The following SH3GL2 variants were observed in gnomAD, a reference collection of about 807,000 sequenced individuals.
SH3GL2 encodes the protein SH3 domain containing GRB2 like 2, endophilin A1.
SH3GL2 carries 24 observed loss-of-function variants against 46.0 expected under a neutral mutation model. The ratio of observed to expected loss-of-function variants is 0.52; its 90% CI spans 0.38 to 0.73. The LOEUF is 0.73. SH3GL2 is among the 30% of genes least tolerant of loss of function. The pLI, the probability that SH3GL2 is intolerant of heterozygous loss-of-function variation, is 0.00. For missense variants in SH3GL2, 413 were observed against 424.2 expected (o/e 0.97, Z 0.23); for synonymous variants, 196 against 147.1 (o/e 1.33, Z -2.40).
intron 1 of SH3GL2, among the ~76,000 whole-genome samples, chr9:17,667,191 G>T (rs139836722): frequency 2.0e-5 from 3 of 151,920 alleles, no homozygotes; most frequent in Non-Finnish European, 4.4e-5. Flanking sequence ...CTAGCTTGTC[G>T]TGTATTCTTT....
chr9:17,725,027 G>T (rs1009557979), intron 1 of SH3GL2, among the ~76,000 whole-genome samples: 1 of 151,986 alleles, frequency 6.6e-6, no homozygotes, highest in Non-Finnish European at 1.5e-5. Context: ...AGAGGGTGCA[G>T]CATGGACATC....
At chr9:17,622,405 G>T (rs1193670612) in intron 1 of SH3GL2, among the ~76,000 whole-genome samples, 1 of 152,078 alleles carries the variant, frequency 6.6e-6, no homozygotes, top group African/African-American at 2.4e-5. Context: ...TCTTCCAAGG[G>T]GGAGGATCTC....
chr9:17,721,028 A>G (rs1311352675), intron 1 of SH3GL2, among the ~76,000 whole-genome samples: 1 of 152,122 alleles, frequency 6.6e-6, no homozygotes, highest in Non-Finnish European at 1.5e-5. Flanking sequence ...AAACGAGGTC[A>G]GTGTTTCAGG....
chr9:17,710,381 G>A (rs1164590537), intron 1 of SH3GL2, among the ~76,000 whole-genome samples: 1 of 151,868 alleles, frequency 6.6e-6, no homozygotes, highest in Non-Finnish European at 1.5e-5. Context: ...GCATGAGAAC[G>A]GACTAATACA....
At chr9:17,668,079 A>G (rs1052020680) in intron 1 of SH3GL2, among the ~76,000 whole-genome samples, 15 of 152,082 alleles carry the variant, frequency 9.9e-5, no homozygotes, top group African/African-American at 2.4e-4. Context: ...CTCCCATTCT[A>G]TGGGTTGTCT....
chr9:17,594,611 C>T (rs1818538962), intron 1 of SH3GL2, among the ~76,000 whole-genome samples: 1 of 151,882 alleles, frequency 6.6e-6, no homozygotes, highest in South Asian at 2.1e-4. Context: ...CAAACCTGCA[C>T]GTTCTGCACA....
At chr9:17,788,809 G>T (rs937294354) in intron 5 of SH3GL2, among the ~76,000 whole-genome samples, 1 of 152,158 alleles carries the variant, frequency 6.6e-6, no homozygotes, top group East Asian at 1.9e-4. Context: ...AGCTGCATCA[G>T]TCAGCTGGGG....
intron 1 of SH3GL2, among the ~76,000 whole-genome samples, chr9:17,694,118 A>G (rs1821148354): frequency 6.6e-6 from 1 of 152,090 alleles, no homozygotes; most frequent in Non-Finnish European, 1.5e-5. Context: ...TTGGAGACCA[A>G]TTTTCTGTAT....
chr9:17,682,478 G>A (rs552434939), intron 1 of SH3GL2, among the ~76,000 whole-genome samples: 2 of 151,944 alleles, frequency 1.3e-5, no homozygotes, highest in African/African-American at 2.4e-5. Flanking sequence ...CAAACACTAC[G>A]TGTTCTGGTA....
At chr9:17,647,026 A>T (rs980505735) in intron 1 of SH3GL2, among the ~76,000 whole-genome samples, 1 of 152,166 alleles carries the variant, frequency 6.6e-6, no homozygotes. Flanking sequence ...AGTTTTATCT[A>T]TAAGCCCCTG....
At chr9:17,603,344 T>G (rs1477436719) in intron 1 of SH3GL2, among the ~76,000 whole-genome samples, 2 of 152,154 alleles carry the variant, frequency 1.3e-5, no homozygotes, top group African/African-American at 4.8e-5. Context: ...ACACCATGGA[T>G]GAGCTGTAAG....
rs184004667 is a variant in SH3GL2 at position 17,666,763 on chromosome 9, G to A, written c.46-80303G>A. On this transcript the variant is annotated intron_variant, in intron 1 of 8. Coordinates refer to ENST00000380607, the MANE Select transcript of SH3GL2 (RefSeq NM_003026.5). Reference sequence around the variant, plus strand: ...TTATAATATTGGAGGTGAATATTTTGGGTAACTTCCTGGAAGTAATATTGC... The same window carrying A: ...TTATAATATTGGAGGTGAATATTTTAGGTAACTTCCTGGAAGTAATATTGC... Among the ~76,000 whole-genome samples the A allele has an allele frequency of 2.0e-5, 3 of 152,046 alleles. No homozygotes were observed. The East Asian group carries it at 5.8e-4, about 29-fold the overall frequency.
intron 1 of SH3GL2, among the ~76,000 whole-genome samples, chr9:17,649,158 C>G (rs1201717212): frequency 3.3e-5 from 5 of 152,216 alleles, no homozygotes; most frequent in Admixed American, 2.6e-4. Flanking sequence ...TGGACAGTGA[C>G]ATGATCTCAG....
At chr9:17,713,778 A>G (rs540980243) in intron 1 of SH3GL2, among the ~76,000 whole-genome samples, 1 of 151,822 alleles carries the variant, frequency 6.6e-6, no homozygotes, top group Admixed American at 6.6e-5. Flanking sequence ...AAATGTATTG[A>G]GAATTATTTT....
chr9:17,694,863 GTTTTAT>G (rs1027858749), intron 1 of SH3GL2, among the ~76,000 whole-genome samples: 4 of 152,140 alleles, frequency 2.6e-5, no homozygotes, highest in South Asian at 2.1e-4. Context: ...ACAGACTAGA[GTTTTAT>G]TTTTATTTTT....
intron 1 of SH3GL2, among the ~76,000 whole-genome samples, chr9:17,650,725 G>A (rs1819935877): frequency 6.6e-6 from 1 of 152,210 alleles, no homozygotes; most frequent in Non-Finnish European, 1.5e-5. Flanking sequence ...GATGGCTAAA[G>A]CCGACCTGAA....
chr9:17,683,903 C>T (rs1429328948), intron 1 of SH3GL2, among the ~76,000 whole-genome samples: 1 of 152,126 alleles, frequency 6.6e-6, no homozygotes, highest in African/African-American at 2.4e-5. Flanking sequence ...CAGCTCTCAA[C>T]TCCTGACTCC....
intron 1 of SH3GL2, among the ~76,000 whole-genome samples, chr9:17,612,401 G>C (rs1470057699): frequency 1.3e-5 from 2 of 152,156 alleles, no homozygotes; most frequent in African/African-American, 4.8e-5. Flanking sequence ...AAACTTGCTT[G>C]AACTGCTGAA....
chr9:17,722,973 C>G (rs1295064309), intron 1 of SH3GL2, among the ~76,000 whole-genome samples: 1 of 152,086 alleles, frequency 6.6e-6, no homozygotes, highest in African/African-American at 2.4e-5. Context: ...AATCACAGTG[C>G]CTGCTTAGTA....
Sources: allele counts gnomAD v4.1 joint callset (sites outside exome capture counted in the v4.1 genomes callset), GRCh38; gene constraint gnomAD v4.1.1; transcripts MANE v1.5; gene names NCBI Gene and HGNC (gene_info 2026-07-23, HGNC 2026-07-21).